ZYG11A: variants seen among roughly 807,000 people sequenced by gnomAD.
ZYG11A encodes zyg-11 family member A, cell cycle regulator.
ZYG11A carries 62 observed loss-of-function variants against 77.2 expected under a neutral mutation model. That is an observed-to-expected ratio of 0.80 (90% CI 0.65 to 0.99). The LOEUF (loss-of-function observed/expected upper bound fraction) is 0.99. ZYG11A is among the 50% of genes least tolerant of loss of function. The pLI, the probability that ZYG11A is intolerant of heterozygous loss-of-function variation, is 0.00. For synonymous variants in ZYG11A, 315 were observed against 324.6 expected (o/e 0.97, Z 0.32); for missense variants, 828 against 896.8 (o/e 0.92, Z 0.98).
intron 8 of ZYG11A, among the ~76,000 whole-genome samples, chr1:52,868,595 C>CA (rs1646075409): frequency 6.6e-6 from 1 of 151,810 alleles, no homozygotes; most frequent in Non-Finnish European, 1.5e-5. Context: ...TCTTGGACAA[C>CA]GTGGTGAAAC....
intron 2 of ZYG11A, among the ~76,000 whole-genome samples, chr1:52,856,214 G>T (rs999637677): frequency 2.4e-4 from 36 of 152,084 alleles, no homozygotes; most frequent in African/African-American, 8.7e-4. Context: ...TATGGTGTTG[G>T]TATTTACCTG....
In ZYG11A at chr1:52,893,404, T is replaced by A. The variant is rs1454380706; in HGVS notation, c.*447T>A. On this transcript the variant is annotated 3_prime_UTR_variant, in exon 14 of 14. Transcript: ENST00000371528. The stretch of plus-strand genomic sequence containing the variant: ...TGAGAAAAGCTTGGGAAGCATATGC[T>A]TCAAAATGTAGTGTTTAGAAGGCAG... 1 of 157,006 alleles carries A rather than the reference T, an allele frequency of 6.4e-6. No homozygotes were observed. Among genetic ancestry groups the A allele is most frequent in the East Asian group, 1.9e-4 (1 of 5,380 alleles). 9.7% of individuals were successfully genotyped at this position (157,006 alleles called of 1,614,324 possible). A position where few individuals can be genotyped will look rare whatever the true frequency, so the allele number is the denominator to read the frequency against.
intron 11 of ZYG11A, among the ~76,000 whole-genome samples, chr1:52,882,964 G>A (rs933305712): frequency 2.1e-5 from 3 of 145,084 alleles, no homozygotes; most frequent in African/African-American, 8.5e-5. Flanking sequence ...TTTCTGGGAT[G>A]TTGGCCTTCC....
chr1:52,860,673 A>C (rs1645910468), intron 3 of ZYG11A, 58 bp from the exon 4 acceptor site: 9 of 1,535,950 alleles, frequency 5.9e-6, no homozygotes, highest in Non-Finnish European at 7.9e-6. Flanking sequence ...TGTGGTTAAA[A>C]ATGAATGGTG....
chr1:52,862,405 G>A (rs1379461472), intron 4 of ZYG11A, among the ~76,000 whole-genome samples: 3 of 146,950 alleles, frequency 2.0e-5, no homozygotes, highest in East Asian at 2.2e-4. Context: ...TCCACCTCCC[G>A]GGTTCACACC....
chr1:52,859,456 C>G (rs1645882237), intron 3 of ZYG11A, among the ~76,000 whole-genome samples: 1 of 151,908 alleles, frequency 6.6e-6, no homozygotes, highest in Admixed American at 6.6e-5. Context: ...CTGCCTCAGG[C>G]TCCAGAGTAG....
chr1:52,880,213 G>A (rs1055880520), intron 10 of ZYG11A, among the ~76,000 whole-genome samples: 4 of 151,988 alleles, frequency 2.6e-5, no homozygotes, highest in South Asian at 2.1e-4. Flanking sequence ...GAAATCATGC[G>A]TAGATGAGAG....
At chr1:52,871,329 T>C (rs1209827448) in intron 8 of ZYG11A, among the ~76,000 whole-genome samples, 1 of 152,134 alleles carries the variant, frequency 6.6e-6, no homozygotes, top group Admixed American at 6.6e-5. Context: ...TTTTTTTTCT[T>C]TGGAATTTTT....
chr1:52,893,062 A>C lies in ZYG11A; in HGVS notation c.*105A>C. 4 of 1,006,896 alleles carry C rather than the reference A, an allele frequency of 4.0e-6. No homozygotes were observed. The highest frequency in any genetic ancestry group is 4.3e-6 in the Non-Finnish European group (3 of 699,504). The allele number at this position is 1,006,896 out of a possible 1,614,324, so 62.4% of individuals were successfully genotyped here. A position where few individuals can be genotyped will look rare whatever the true frequency, so the allele number is the denominator to read the frequency against. On this transcript the variant is annotated 3_prime_UTR_variant, in exon 14 of 14. Coordinates refer to ENST00000371528, the MANE Select transcript of ZYG11A (RefSeq NM_001004339.3). ...TTGGAGTTTGTGAGTTGGCTGTCTC[A>C]TTGGCCTTTGATTGTTGATTTTATA... is the stretch of plus-strand genomic sequence containing the variant.
At chr1:52,859,968 G>A (rs963319235) in intron 3 of ZYG11A, among the ~76,000 whole-genome samples, 2 of 152,032 alleles carry the variant, frequency 1.3e-5, no homozygotes, top group Non-Finnish European at 2.9e-5. Flanking sequence ...CTGAGCCATT[G>A]TGCCCCGGCC....
chr1:52,863,533 A>G (rs908646747), intron 4 of ZYG11A, among the ~76,000 whole-genome samples: 3 of 152,168 alleles, frequency 2.0e-5, no homozygotes, highest in African/African-American at 7.2e-5. Context: ...CTCTTTCCAT[A>G]ACTACCTCAG....
At chr1:52,873,268 G>C (rs1646202516) in intron 8 of ZYG11A, among the ~76,000 whole-genome samples, 2 of 152,188 alleles carry the variant, frequency 1.3e-5, no homozygotes, top group Admixed American at 6.5e-5. Context: ...AGCGGTGATT[G>C]TGCCATTGCA....
Position 52,857,391 on chromosome 1 carries a change from T to C in ZYG11A, c.650T>C (p.Val217Ala). 6.4e-7 allele frequency: 1 copy of C among 1,551,884 alleles called. No homozygotes were observed. The highest frequency in any genetic ancestry group is 8.7e-7 in the Non-Finnish European group (1 of 1,147,030). ...LESLDISNTLVTDISALLTCK... is the reference protein window; with the variant it reads ...LESLDISNTLATDISALLTCK... The stretch of plus-strand genomic sequence containing the variant: ...AGCTTAGATATCTCTAATACTCTAG[T>C]CACTGATATTTCTGCACTGCTTACC... The change falls in exon 3 of 14, where the codon GTC becomes GCC. Residue 217 changes from valine to alanine, a missense_variant. Coordinates refer to ENST00000371528, the MANE Select transcript of ZYG11A (RefSeq NM_001004339.3).
At chr1:52,870,076 C>G (rs1362958888) in intron 8 of ZYG11A, among the ~76,000 whole-genome samples, 3 of 151,166 alleles carry the variant, frequency 2.0e-5, no homozygotes, top group Non-Finnish European at 4.4e-5. Flanking sequence ...GGGGTCGCGG[C>G]CGGGCAGAGG....
intron 1 of ZYG11A, among the ~76,000 whole-genome samples, chr1:52,849,842 C>T (rs1359390765): frequency 6.6e-6 from 1 of 151,876 alleles, no homozygotes; most frequent in Non-Finnish European, 1.5e-5. Context: ...GCCACCACGC[C>T]CAGCTAATTT....
intron 1 of ZYG11A, among the ~76,000 whole-genome samples, chr1:52,851,517 C>G (rs554308285): frequency 2.0e-5 from 3 of 152,006 alleles, no homozygotes. Flanking sequence ...CCTGCCTCAG[C>G]CTCCCGAGTG....
In ZYG11A at chr1:52,892,146, G is replaced by A. The variant is rs537489225; in HGVS notation, c.2105-636G>A. Among the ~76,000 whole-genome samples, 710 of 148,658 alleles carry A rather than the reference G, an allele frequency of 4.8e-3. 2 individuals carry two copies. The highest frequency in any genetic ancestry group is 0.016 in the African/African-American group (651 of 40,292). The stretch of plus-strand genomic sequence containing the variant: ...GATCTCCTGACCTCATGATCCGCCC[G>A]CCTCGGCCTCCCAAAGTGCTGGGAT... On this transcript the variant is annotated intron_variant, in intron 13 of 13. Coordinates refer to ENST00000371528, the MANE Select transcript of ZYG11A (RefSeq NM_001004339.3).
rs147978521 is a variant in ZYG11A at position 52,873,593 on chromosome 1, G to A, written c.1543-4089G>A. Among the ~76,000 whole-genome samples, 377 of 152,336 alleles carry A rather than the reference G, an allele frequency of 2.5e-3. 2 individuals are homozygous for A. The highest frequency in any genetic ancestry group is 8.3e-3 in the African/African-American group (347 of 41,580). On this transcript the variant is annotated intron_variant, in intron 8 of 13. Coordinates refer to ENST00000371528, the MANE Select transcript of ZYG11A (RefSeq NM_001004339.3). ...GGAATCTAGTTCTGGTGAAGATTCT[G>A]TGAACATTGTTGGAATGACAACAAA... is the stretch of plus-strand genomic sequence containing the variant.
Position 52,857,757 on chromosome 1 carries a change from C to G in ZYG11A, c.1008+8C>G. 1 of 1,521,918 alleles carries G rather than the reference C, an allele frequency of 6.6e-7. No individual in the cohort carries two copies. Among genetic ancestry groups the G allele is most frequent in the Non-Finnish European group, 8.8e-7 (1 of 1,135,032 alleles). 94.3% of individuals were successfully genotyped at this position (1,521,918 alleles called of 1,614,324 possible). ...ACAAAGCAAGGCTTGAGGGTTTGTT[C>G]TTATCTGAATAAGTTTTGTTTCATT... is the stretch of plus-strand genomic sequence containing the variant. On this transcript the variant is annotated splice_region_variant and intron_variant, in intron 3 of 13. Coordinates refer to ENST00000371528, the MANE Select transcript of ZYG11A (RefSeq NM_001004339.3).
Sources: allele counts gnomAD v4.1 joint callset (sites outside exome capture counted in the v4.1 genomes callset), GRCh38; gene constraint gnomAD v4.1.1; transcripts MANE v1.5; gene names NCBI Gene and HGNC (gene_info 2026-07-23, HGNC 2026-07-21).